Variants in PLXNA2 observed in about 807,000 individuals in gnomAD.
PLXNA2 encodes plexin A2, also known as plexin-A2.
Under a neutral mutation model 193.5 loss-of-function variants are expected in PLXNA2, and 91 were observed. The ratio of observed to expected loss-of-function variants is 0.47; its 90% CI spans 0.40 to 0.56. The LOEUF (loss-of-function observed/expected upper bound fraction) is 0.56. PLXNA2 is among the 20% of genes least tolerant of loss of function. The probability of loss-of-function intolerance (pLI) is 0.00; values close to 1 mark genes in which losing one functional copy is unlikely to be tolerated. For missense variants in PLXNA2, 1,995 were observed against 2,503.2 expected, an observed-to-expected ratio of 0.80 and a Z score of 4.33; for synonymous variants, 997 against 1,027.3, an observed-to-expected ratio of 0.97 and a Z score of 0.56.
At chr1:208,032,081 G>C (rs1404822983) in intron 28 of PLXNA2, 7 of 985,228 alleles carry the variant, frequency 7.1e-6, no homozygotes, top group Non-Finnish European at 3.6e-6. Flanking sequence ...TGAATGAGGG[G>C]GCACAGGCTG....
intron 29 of PLXNA2, chr1:208,031,109 C>CATTAAAAAA: frequency 1.0e-6 from 1 of 999,702 alleles, no homozygotes; most frequent in South Asian, 4.2e-5. Flanking sequence ...TGAACTCCCT[C>CATTAAAAAA]TCCGGTGCTG....
chr1:208,231,083 T>C (rs542253987), intron 1 of PLXNA2, among the ~76,000 whole-genome samples: 9 of 152,272 alleles, frequency 5.9e-5, no homozygotes, highest in South Asian at 4.2e-4. Context: ...TTTGAGACCC[T>C]TGAGGCGCTA....
chr1:208,099,054 T>C (rs1455130095), intron 5 of PLXNA2, 85 bp from the exon 6 acceptor site: 2 of 1,533,946 alleles, frequency 1.3e-6, no homozygotes, highest in Non-Finnish European at 1.8e-6. Flanking sequence ...GATGGGAGTT[T>C]GCTGCCCTGA....
At chr1:208,116,184 G>T (rs927574812) in intron 4 of PLXNA2, among the ~76,000 whole-genome samples, 11 of 152,232 alleles carry the variant, frequency 7.2e-5, no homozygotes, top group African/African-American at 2.6e-4. Context: ...CCTCCTCCAG[G>T]AAGTCTTCCT....
intron 12 of PLXNA2, among the ~76,000 whole-genome samples, chr1:208,075,640 T>C (rs1666122049): frequency 6.6e-6 from 1 of 152,240 alleles, no homozygotes; most frequent in South Asian, 2.1e-4. Context: ...TGACCATTCT[T>C]TGCCTGAAAC....
intron 1 of PLXNA2, among the ~76,000 whole-genome samples, chr1:208,224,257 A>G (rs1278093652): frequency 6.6e-6 from 1 of 150,812 alleles, no homozygotes; most frequent in Non-Finnish European, 1.5e-5. Flanking sequence ...CATGGGTTTG[A>G]GCTGATTTTT....
rs558405677 is a variant in PLXNA2, at chr1:208,056,148, C to T, written c.2739-1610G>A. On this transcript the variant is annotated intron_variant, in intron 13 of 31. Transcript: ENST00000367033. ...TTAACGACTCTCTCATCCTGTTTCCCGGACCCTGGCAACCCGCTGCTGTTT... is the reference window on the plus strand; with the variant it reads ...TTAACGACTCTCTCATCCTGTTTCCTGGACCCTGGCAACCCGCTGCTGTTT... 2.6e-5 allele frequency among the ~76,000 whole-genome samples: 4 copies of T among 152,354 alleles called. No individual in the cohort carries two copies. In the East Asian group the frequency reaches 5.8e-4, roughly 22 times the overall value.
chr1:208,137,574 G>A (rs113722314), intron 4 of PLXNA2, among the ~76,000 whole-genome samples: 5 of 152,300 alleles, frequency 3.3e-5, no homozygotes, highest in African/African-American at 1.2e-4. Context: ...CGCTGTCAGT[G>A]AAGCTGGGGC....
intron 15 of PLXNA2, among the ~76,000 whole-genome samples, chr1:208,051,922 T>A (rs1041671067): frequency 6.6e-6 from 1 of 152,110 alleles, no homozygotes; most frequent in Non-Finnish European, 1.5e-5. Context: ...TGGCAAATGG[T>A]AGGTGTTCAA....
In PLXNA2 at chr1:208,030,026, C is replaced by T. The variant is rs530066431; in HGVS notation, c.5226-984G>A. The T allele has an allele frequency of 7.1e-6, 7 of 985,440 alleles. No individual in the cohort carries two copies. The African/African-American group carries it at 1.2e-4, about 17-fold the overall frequency. The allele number at this position is 985,440 out of a possible 1,614,324, so 61.0% of individuals were successfully genotyped here. A position where few individuals can be genotyped will look rare whatever the true frequency, so the allele number is the denominator to read the frequency against. On this transcript the variant is annotated intron_variant, in intron 29 of 31. Transcript: ENST00000367033. The stretch of plus-strand genomic sequence containing the variant: ...TCATCTTCTCTTGACTCTCATGGGC[C>T]CCAAACTTTCCCAAATGTCTCAGTA...
At chr1:208,242,552 C>T (rs554849440) in intron 1 of PLXNA2, among the ~76,000 whole-genome samples, 21 of 152,330 alleles carry the variant, frequency 1.4e-4, no homozygotes, top group Middle Eastern at 3.4e-3. Flanking sequence ...GCCACTGTCA[C>T]TCTAAGATTC....
intron 3 of PLXNA2, among the ~76,000 whole-genome samples, chr1:208,172,774 GT>G (rs950039096): frequency 6.6e-6 from 1 of 152,144 alleles, no homozygotes; most frequent in East Asian, 1.9e-4. Context: ...GCACAAAGCT[GT>G]TTTTTTGTGT....
Position 208,042,377 on chromosome 1 carries a change from G to A in PLXNA2, c.4018-11C>T, listed in dbSNP as rs768471594. On this transcript the variant is annotated splice_polypyrimidine_tract_variant and intron_variant, in intron 21 of 31. Coordinates refer to ENST00000367033, the MANE Select transcript of PLXNA2 (RefSeq NM_025179.4). ...CCCGTTTCCTTGTACCTGGGGTGGG[G>A]TGTGGTGGAGGCGACGCCCTCAGAG... The A allele has an allele frequency of 6.2e-7, 1 of 1,611,082 alleles. No homozygotes were observed. Among genetic ancestry groups the A allele is most frequent in the Non-Finnish European group, 8.5e-7 (1 of 1,177,886 alleles).
chr1:208,122,742 G>C (rs1667843951), intron 4 of PLXNA2, among the ~76,000 whole-genome samples: 1 of 152,088 alleles, frequency 6.6e-6, no homozygotes, highest in African/African-American at 2.4e-5. Context: ...GCAGGAAGAA[G>C]GGAAGAGGAA....
rs956528665 is a variant in PLXNA2 at position 208,047,473 on chromosome 1, G to A, written c.3256-1356C>T. On this transcript the variant is annotated intron_variant, in intron 17 of 31. Coordinates refer to ENST00000367033, the MANE Select transcript of PLXNA2 (RefSeq NM_025179.4). ...TCTCCTGTGGAGGTTTAGTTCTGGG[G>A]CTGCCCAAGACAGCAGCCAGACTGC... is the stretch of plus-strand genomic sequence containing the variant. 2.6e-5 allele frequency among the ~76,000 whole-genome samples: 4 copies of A among 151,482 alleles called. No homozygotes were observed. The Admixed American group carries it at 2.6e-4, about 10-fold the overall frequency.
At chr1:208,218,961 A>G (rs1026442457) in intron 1 of PLXNA2, among the ~76,000 whole-genome samples, 5 of 152,180 alleles carry the variant, frequency 3.3e-5, no homozygotes, top group African/African-American at 1.2e-4. Flanking sequence ...CAGGGGTACC[A>G]GATTTGGGAG....
chr1:208,197,221 A>G (rs1255496319), intron 3 of PLXNA2, among the ~76,000 whole-genome samples: 2 of 152,250 alleles, frequency 1.3e-5, no homozygotes, highest in African/African-American at 4.8e-5. Context: ...CTGAAGATCA[A>G]AAGAGCAGGG....
chr1:208,139,617 T>C (rs892367688), intron 4 of PLXNA2, among the ~76,000 whole-genome samples: 15 of 152,208 alleles, frequency 9.9e-5, no homozygotes, highest in African/African-American at 3.4e-4. Context: ...TCAGATATGG[T>C]GTTATCTGAT....
chr1:208,105,253 A>G (rs1667225602), intron 4 of PLXNA2, among the ~76,000 whole-genome samples: 1 of 152,206 alleles, frequency 6.6e-6, no homozygotes, highest in Admixed American at 6.5e-5. Context: ...GCTGTTTTCC[A>G]GTGTTCGAAG....
Sources: allele counts gnomAD v4.1 joint callset (sites outside exome capture counted in the v4.1 genomes callset), GRCh38; gene constraint gnomAD v4.1.1; transcripts MANE v1.5; gene names NCBI Gene and HGNC (gene_info 2026-07-23, HGNC 2026-07-21).